Variants in CDK17 observed in about 807,000 individuals in gnomAD.
The protein encoded by CDK17 is cyclin-dependent kinase 17.
A neutral mutation model predicts 77.6 loss-of-function variants in CDK17; 24 were observed. The observed-to-expected ratio is 0.31, with a 90% confidence interval of 0.22 to 0.44. CDK17 has a LOEUF of 0.44. Ranked by LOEUF, CDK17 falls within the 20% of genes least tolerant of loss-of-function variation. The probability of loss-of-function intolerance (pLI) is 1.00; values close to 1 mark genes in which losing one functional copy is unlikely to be tolerated. For synonymous variants in CDK17, 203 were observed against 210.4 expected (o/e 0.96, Z 0.30); for missense variants, 429 against 622.5 (o/e 0.69, Z 3.31).
At chr12:96,313,529 T>C (rs546785309) in intron 3 of CDK17, 75 bp from the exon 4 acceptor site, 3 of 814,090 alleles carry the variant, frequency 3.7e-6, no homozygotes, top group South Asian at 3.2e-5. Context: ...ATGGGTAAAA[T>C]ATAGAAGGCC....
chr12:96,342,367 G>C (rs1953134964), intron 1 of CDK17, among the ~76,000 whole-genome samples: 1 of 152,142 alleles, frequency 6.6e-6, no homozygotes. Flanking sequence ...TTTTTCATTA[G>C]AGACAATGTT....
At chr12:96,316,550 G>C (rs1210381348) in intron 3 of CDK17, among the ~76,000 whole-genome samples, 1 of 148,872 alleles carries the variant, frequency 6.7e-6, no homozygotes, top group Non-Finnish European at 1.5e-5. Flanking sequence ...AGACTTAAAT[G>C]TCCCTGTCTG....
intron 3 of CDK17, among the ~76,000 whole-genome samples, chr12:96,316,592 C>T (rs1458054895): frequency 9.8e-5 from 14 of 142,824 alleles, no homozygotes; most frequent in Non-Finnish European, 1.8e-4. Flanking sequence ...GTTCTCCCAG[C>T]ACGCAGCTGG....
intron 1 of CDK17, among the ~76,000 whole-genome samples, chr12:96,372,414 C>CT (rs1341665575): frequency 5.3e-5 from 8 of 151,914 alleles, no homozygotes; most frequent in Non-Finnish European, 1.0e-4. Flanking sequence ...TTCAGAAAAG[C>CT]TTTTTTTGTG....
chr12:96,345,460 C>G (rs148487341), intron 1 of CDK17, among the ~76,000 whole-genome samples: 218 of 152,320 alleles, frequency 1.4e-3, no homozygotes, highest in African/African-American at 5.1e-3. Context: ...TAAAAGCATC[C>G]CTATTTCTCC....
intron 13 of CDK17, chr12:96,284,286 T>C (rs1952216670): frequency 2.0e-5 from 3 of 151,940 alleles, no homozygotes; most frequent in East Asian, 2.0e-4. Context: ...CTGGCTAACA[T>C]AGTGAAACCC....
intron 10 of CDK17, among the ~76,000 whole-genome samples, chr12:96,291,492 A>G (rs1215323132): frequency 2.6e-5 from 4 of 152,042 alleles, no homozygotes; most frequent in African/African-American, 9.7e-5. Context: ...GGTTTTTGCC[A>G]TATTGCCCAG....
intron 1 of CDK17, among the ~76,000 whole-genome samples, chr12:96,355,111 T>C (rs1354607719): frequency 1.3e-5 from 2 of 152,198 alleles, no homozygotes; most frequent in Admixed American, 1.3e-4. Flanking sequence ...ATAAGCCTCA[T>C]AAATGGCCTG....
rs200424243 is a variant in CDK17 at position 96,324,131 on chromosome 12, G to A, written c.119-19C>T. On this transcript the variant is annotated intron_variant, in intron 2 of 16. Coordinates refer to ENST00000261211, the MANE Select transcript of CDK17 (RefSeq NM_002595.5). ...ATAGGCTCTGTGGTTCATAGAATTCGAAAATCATTCCATCATCAGTCCAAG... is the reference window on the plus strand; with the variant it reads ...ATAGGCTCTGTGGTTCATAGAATTCAAAAATCATTCCATCATCAGTCCAAG... 4.1e-5 allele frequency: 64 copies of A among 1,576,940 alleles called. No homozygotes were observed. Among genetic ancestry groups the A allele is most frequent in the Non-Finnish European group, 5.2e-5 (61 of 1,163,102 alleles).
intron 2 of CDK17, among the ~76,000 whole-genome samples, chr12:96,327,774 C>G (rs1365388325): frequency 6.6e-6 from 1 of 152,116 alleles, no homozygotes; most frequent in Non-Finnish European, 1.5e-5. Flanking sequence ...GTCTCAAACT[C>G]CTGGGCTCAA....
chr12:96,396,968 G>GATAA (rs1954179597), intron 1 of CDK17, among the ~76,000 whole-genome samples: 1 of 152,152 alleles, frequency 6.6e-6, no homozygotes, highest in African/African-American at 2.4e-5. Context: ...TGTGTTCACA[G>GATAA]ATAACTGTTA....
chr12:96,376,229 T>A (rs1413990976), intron 1 of CDK17, among the ~76,000 whole-genome samples: 3 of 152,216 alleles, frequency 2.0e-5, no homozygotes, highest in African/African-American at 7.2e-5. Flanking sequence ...TATTCAATTT[T>A]TCAATAAATA....
chr12:96,307,743 T>C (rs778032006), intron 5 of CDK17, among the ~76,000 whole-genome samples: 2 of 152,164 alleles, frequency 1.3e-5, no homozygotes, highest in South Asian at 4.1e-4. Flanking sequence ...TGGTGGCACA[T>C]GCCTGTAATC....
rs780135303 is a variant in CDK17, at chr12:96,313,393, T to A, written c.345A>T (p.Thr115=). ...SDGESDQASG[T]SSDEVQSPTG... ...TAGGTGACTGGACTTCATCAGATGA[T>A]GTCCCAGAAGCTTGGTCACTCTCAC... Residue 115 remains threonine, a synonymous_variant, in exon 4 of 17, where the codon ACA becomes ACT. Transcript: ENST00000261211. 2 of 1,595,826 alleles carry A rather than the reference T, an allele frequency of 1.3e-6. No homozygotes were observed. The highest frequency in any genetic ancestry group is 1.7e-6 in the Non-Finnish European group (2 of 1,169,596).
At chr12:96,393,414 T>C (rs936862032) in intron 1 of CDK17, among the ~76,000 whole-genome samples, 2 of 138,834 alleles carry the variant, frequency 1.4e-5, no homozygotes, top group Admixed American at 7.3e-5. Context: ...GGTGCTTAAG[T>C]CTAAGGAATC....
chr12:96,327,163 A>G (rs903853181), intron 2 of CDK17, among the ~76,000 whole-genome samples: 5 of 152,324 alleles, frequency 3.3e-5, no homozygotes, highest in South Asian at 4.1e-4. Flanking sequence ...CCTGGGTTCT[A>G]TAGTTACATA....
chr12:96,394,730 A>G (rs1234953128), intron 1 of CDK17, among the ~76,000 whole-genome samples: 3 of 151,174 alleles, frequency 2.0e-5, no homozygotes, highest in East Asian at 1.9e-4. Context: ...AGGCACGAGA[A>G]TAGCTTGAGA....
chr12:96,393,378 A>AAAAAAC (rs1954108143), intron 1 of CDK17, among the ~76,000 whole-genome samples: 1 of 150,826 alleles, frequency 6.6e-6, no homozygotes. Flanking sequence ...AAAAAAAAAA[A>AAAAAAC]AGCTAATTTA....
intron 15 of CDK17, 36 bp from the exon 16 acceptor site, chr12:96,280,921 C>A: frequency 6.5e-7 from 1 of 1,540,272 alleles, no homozygotes; most frequent in South Asian, 1.1e-5. Context: ...AGGTGAAGGT[C>A]TAACATTAAA....
Sources: gnomAD v4.1 joint callset for allele counts (sites outside exome capture counted in the v4.1 genomes callset) on GRCh38, gnomAD v4.1.1 for gene constraint, MANE v1.5 for transcripts, NCBI Gene and HGNC (gene_info 2026-07-23, HGNC 2026-07-21) for gene names.